Variants in RBL2 observed in about 807,000 individuals in gnomAD.
The protein encoded by RBL2 is retinoblastoma-like protein 2.
A neutral mutation model predicts 126.0 loss-of-function variants in RBL2; 56 were observed. The observed-to-expected ratio is 0.44, with a 90% CI of 0.36 to 0.56. The LOEUF is 0.56. Ranked by LOEUF, RBL2 falls within the 20% of genes least tolerant of loss-of-function variation. The pLI, the probability that RBL2 is intolerant of heterozygous loss-of-function variation, is 0.00. For synonymous variants in RBL2, 454 were observed against 478.5 expected, an observed-to-expected ratio of 0.95 and a Z score of 0.67; for missense variants, 1,229 against 1,398.2, an observed-to-expected ratio of 0.88 and a Z score of 1.93.
In RBL2 at chr16:53,481,711, C is replaced by A; in HGVS notation, c.3125C>A (p.Thr1042Lys). The A allele has an allele frequency of 6.2e-7, 1 of 1,611,822 alleles. No individual in the cohort carries two copies. The highest frequency in any genetic ancestry group is 8.5e-7 in the Non-Finnish European group (1 of 1,178,376). Residue 1042 changes from threonine to lysine, a missense_variant, in exon 21 of 22, where the codon ACA (threonine) becomes AAA (lysine). Physicochemically the swap from Thr to Lys is moderately conservative, Grantham distance 78. Around this residue, in one of 2 missense-constraint regions of RBL2, gnomAD observed 1,070 missense variants for 1,274.3 expected, o/e 0.84. Transcript: ENST00000262133. ...PPLSPYPFVRTGSPRRIQLSQ... is the reference protein window; with the variant it reads ...PPLSPYPFVRKGSPRRIQLSQ... ...CTCTCTCCCTATCCATTTGTAAGAACAGGCTCCCCTCGCCGAATACAGTTG... is the reference window on the plus strand; with the variant it reads ...CTCTCTCCCTATCCATTTGTAAGAAAAGGCTCCCCTCGCCGAATACAGTTG...
chr16:53,470,635 C>T lies in RBL2; in HGVS notation c.2498C>T (p.Thr833Ile), dbSNP rs148298620. 2.0e-5 allele frequency: 32 copies of T among 1,614,068 alleles called. No individual in the cohort carries two copies. The highest frequency in any genetic ancestry group is 3.3e-4 in the Middle Eastern group (2 of 6,082). The part of the protein sequence containing the change: ...VTSSSNRPRK[T>I]SSLSLFFRKV... ...AGCAGTAGTAATAGACCCAGGAAGA[C>T]CAGCTCTTTATCGCTTTTCTTTAGA... The change falls in exon 16 of 22, where the codon ACC becomes ATC. Residue 833 changes from threonine (T) to isoleucine (I), a missense_variant. This residue lies in a region of RBL2 where 1,070 missense variants were observed against 1,274.3 expected (regional missense o/e 0.84). Coordinates refer to ENST00000262133, the MANE Select transcript of RBL2 (RefSeq NM_005611.4).
In RBL2 at chr16:53,470,539, T is replaced by A; in HGVS notation, c.2402T>A (p.Val801Asp). 6.2e-7 allele frequency: 1 copy of A among 1,614,102 alleles called. No homozygotes were observed. Among genetic ancestry groups the A allele is most frequent in the Non-Finnish European group, 8.5e-7 (1 of 1,180,028 alleles). Residue 801 changes from valine (V) to aspartate (D), a missense_variant, in exon 16 of 22, where the codon GTC (valine) becomes GAC (aspartate). Around this residue, in one of 2 missense-constraint regions of RBL2, gnomAD observed 1,070 missense variants for 1,274.3 expected, o/e 0.84. Coordinates refer to ENST00000262133, the MANE Select transcript of RBL2 (RefSeq NM_005611.4). ...CAGGTGACAGGAACAACTTTGCAAG[T>A]CCCTGGTCAAGTGGCCATTCAACAG... ...SQQVTGTTLQ[V>D]PGQVAIQQIS... is the part of the protein sequence containing the mutation.
intron 8 of RBL2, among the ~76,000 whole-genome samples, chr16:53,458,457 G>A (rs969283633): frequency 2.0e-5 from 3 of 152,156 alleles, no homozygotes; most frequent in Non-Finnish European, 4.4e-5. Flanking sequence ...TACCTTAGGG[G>A]GAGAACCTGT....
Position 53,479,141 on chromosome 16 carries a change from T to TAC in RBL2, c.2704-12_2704-11insCA. On this transcript the variant is annotated splice_polypyrimidine_tract_variant and intron_variant, in intron 17 of 21. Transcript: ENST00000262133. ...GTTGCCATGTCTCTCAGAGCACTCT[T>TAC]ATTGTTTGCCAGGTCACAAAAGAAG... The TAC allele has an allele frequency of 6.2e-7, 1 of 1,606,936 alleles. No individual in the cohort carries two copies. Among genetic ancestry groups the TAC allele is most frequent in the Non-Finnish European group, 8.5e-7 (1 of 1,173,540 alleles).
intron 7 of RBL2, chr16:53,454,445 C>G (rs2058146758): frequency 2.0e-6 from 1 of 492,840 alleles, no homozygotes; most frequent in Non-Finnish European, 3.7e-6. Context: ...CTTCGTGATC[C>G]ACCTGCCTCA....
At chr16:53,483,926 T>TA (rs77395902) in intron 21 of RBL2, among the ~76,000 whole-genome samples, 28,282 of 130,812 alleles carry the variant, frequency 0.22, 3,452 homozygotes, top group Non-Finnish European at 0.29. Context: ...CCTATCATAG[T>TA]AAAAAAAAAA....
chr16:53,467,588 A>G (rs1450170909), intron 14 of RBL2, among the ~76,000 whole-genome samples: 2 of 152,188 alleles, frequency 1.3e-5, no homozygotes, highest in Non-Finnish European at 2.9e-5. Flanking sequence ...GGGTTTTGCC[A>G]TATTGGCCAG....
chr16:53,477,890 G>C (rs534306347), intron 17 of RBL2, among the ~76,000 whole-genome samples: 2 of 152,198 alleles, frequency 1.3e-5, no homozygotes, highest in South Asian at 4.1e-4. Flanking sequence ...ATCTTTACCA[G>C]TGCTCTTGGC....
At chr16:53,475,867 A>ACAG (rs1300851187) in intron 17 of RBL2, among the ~76,000 whole-genome samples, 3 of 98,800 alleles carry the variant, frequency 3.0e-5, no homozygotes, top group African/African-American at 1.3e-4. Context: ...TTTTTTTGAG[A>ACAG]CAGCATCTTG....
chr16:53,469,825 C>G, intron 14 of RBL2, 91 bp from the exon 15 acceptor site: 1 of 1,357,782 alleles, frequency 7.4e-7, no homozygotes, highest in Non-Finnish European at 9.9e-7. Flanking sequence ...ATTTCAAACA[C>G]TGTAGTTATT....
In RBL2 at chr16:53,451,819, C is replaced by A; in HGVS notation, c.754C>A (p.Pro252Thr). Residue 252 changes from proline (P) to threonine (T), a missense_variant, in exon 5 of 22, where the codon CCT becomes ACT. This residue lies in a region of RBL2 where 1,070 missense variants were observed against 1,274.3 expected (regional missense o/e 0.84). Transcript: ENST00000262133. Reference protein sequence around the residue: ...QCSNRKELVNPNFKGLSEDFH... With the variant: ...QCSNRKELVNTNFKGLSEDFH... Reference sequence around the variant, plus strand: ...TTCTAATCGTAAAGAACTTGTGAACCCTAATTTTAAAGGTAGGTTTGTAAA... The same window carrying A: ...TTCTAATCGTAAAGAACTTGTGAACACTAATTTTAAAGGTAGGTTTGTAAA... 1 of 1,613,380 alleles carries A rather than the reference C, an allele frequency of 6.2e-7. No homozygotes were observed. The highest frequency in any genetic ancestry group is 8.5e-7 in the Non-Finnish European group (1 of 1,179,624).
intron 1 of RBL2, 81 bp from the exon 2 acceptor site, chr16:53,438,935 C>G (rs2057985969): frequency 1.2e-6 from 1 of 825,976 alleles, no homozygotes; most frequent in Non-Finnish European, 1.6e-6. Context: ...ACAACACTTT[C>G]AATTTAAACA....
chr16:53,476,393 T>C (rs1210111992), intron 17 of RBL2, among the ~76,000 whole-genome samples: 1 of 152,250 alleles, frequency 6.6e-6, no homozygotes, highest in Non-Finnish European at 1.5e-5. Flanking sequence ...AAGAATTGTT[T>C]TATAGCCTAG....
At chr16:53,486,237 G>A (rs1961171758) in intron 21 of RBL2, among the ~76,000 whole-genome samples, 1 of 151,984 alleles carries the variant, frequency 6.6e-6, no homozygotes, top group Non-Finnish European at 1.5e-5. Flanking sequence ...CGTGGTCAAG[G>A]CTGCAGTGAG....
intron 9 of RBL2, 90 bp downstream of exon 9, chr16:53,459,707 C>A: frequency 7.9e-7 from 1 of 1,264,508 alleles, no homozygotes; most frequent in Non-Finnish European, 1.1e-6. Context: ...TTAATTCACC[C>A]ATGAATAATT....
intron 20 of RBL2, chr16:53,480,974 C>A: frequency 2.2e-6 from 1 of 444,682 alleles, no homozygotes; most frequent in South Asian, 2.7e-5. Flanking sequence ...GCCTGGCCAA[C>A]GTGGTAAAAC....
rs1356567330 is a variant in RBL2, at chr16:53,490,983, A to G, written c.*683A>G. 2 of 152,672 alleles carry G rather than the reference A, an allele frequency of 1.3e-5. No homozygotes were observed. The highest frequency in any genetic ancestry group is 2.9e-5 in the Non-Finnish European group (2 of 68,048). The allele number at this position is 152,672 out of a possible 1,614,324, so 9.5% of individuals were successfully genotyped here. On this transcript the variant is annotated 3_prime_UTR_variant, in exon 22 of 22. Coordinates refer to ENST00000262133, the MANE Select transcript of RBL2 (RefSeq NM_005611.4). ...GATTTTGTAACCCAGATTTTGCTGT[A>G]TATTTGTGATAGCACTTTCTACAAT...
At chr16:53,441,906 C>T (rs1438068025) in intron 2 of RBL2, among the ~76,000 whole-genome samples, 15 of 152,078 alleles carry the variant, frequency 9.9e-5, no homozygotes, top group African/African-American at 1.9e-4. Flanking sequence ...CTGCAACCTC[C>T]GCCTCCCAGG....
At chr16:53,479,729 T>A in intron 18 of RBL2, 157 bp from the exon 19 acceptor site, 3 of 569,994 alleles carry the variant, frequency 5.3e-6, no homozygotes, top group Non-Finnish European at 9.4e-6. Context: ...GAATCCTGGA[T>A]CTGTTATAAT....
Sources: allele counts gnomAD v4.1 joint callset (sites outside exome capture counted in the v4.1 genomes callset), GRCh38; gene constraint gnomAD v4.1.1; regional missense constraint gnomAD v4.1.1; transcripts MANE v1.5; gene names NCBI Gene and HGNC (gene_info 2026-07-23, HGNC 2026-07-21).